The following SLC8A1 variants were observed in gnomAD, a reference collection of about 807,000 sequenced individuals.
SLC8A1 encodes the protein sodium/calcium exchanger 1.
SLC8A1 carries 18 observed loss-of-function variants against 68.3 expected under a neutral mutation model. The observed-to-expected ratio is 0.26, with a 90% CI of 0.18 to 0.39. The LOEUF (loss-of-function observed/expected upper bound fraction) is 0.39, where lower values mean the gene tolerates loss of function less well. SLC8A1 is among the 10% of genes least tolerant of loss of function. The pLI is 1.00. For missense variants in SLC8A1, 985 were observed against 1,156.7 expected (o/e 0.85, Z 2.15); for synonymous variants, 475 against 415.5 (o/e 1.14, Z -1.74).
chr2:40,363,125 T>A (rs1675079684), intron 2 of SLC8A1, among the ~76,000 whole-genome samples: 1 of 152,142 alleles, frequency 6.6e-6, no homozygotes, highest in African/African-American at 2.4e-5. Context: ...TCTAGAGGAA[T>A]GAAAAAGGTT....
chr2:40,125,085 G>C (rs2037781359), intron 7 of SLC8A1, among the ~76,000 whole-genome samples: 3 of 152,142 alleles, frequency 2.0e-5, no homozygotes, highest in Admixed American at 6.5e-5. Flanking sequence ...TTTATTGCTT[G>C]TGCTACTAAA....
intron 2 of SLC8A1, among the ~76,000 whole-genome samples, chr2:40,318,896 T>G (rs982760874): frequency 6.6e-6 from 1 of 152,114 alleles, no homozygotes; most frequent in Non-Finnish European, 1.5e-5. Flanking sequence ...AATACAATGT[T>G]TGAGGGTAAA....
intron 2 of SLC8A1, among the ~76,000 whole-genome samples, chr2:40,407,769 C>T (rs1252064993): frequency 6.6e-6 from 1 of 152,212 alleles, no homozygotes; most frequent in Non-Finnish European, 1.5e-5. Context: ...ATTTTAAATA[C>T]TTGACCTTCC....
chr2:40,136,224 G>T (rs2040473553), intron 7 of SLC8A1, among the ~76,000 whole-genome samples: 1 of 152,164 alleles, frequency 6.6e-6, no homozygotes. Context: ...TCTATTCACA[G>T]GCACGGGTCT....
At chr2:40,464,327 A>G (rs1263346216) in intron 1 of SLC8A1, among the ~76,000 whole-genome samples, 1 of 152,192 alleles carries the variant, frequency 6.6e-6, no homozygotes, top group African/African-American at 2.4e-5. Context: ...CATAGAGACA[A>G]CGCATTTCAT....
exon 8 of SLC8A1, chr2:40,105,940 T>C (rs2034168889): frequency 6.6e-6 from 1 of 152,192 alleles, no homozygotes; most frequent in Non-Finnish European, 1.5e-5. Flanking sequence ...TAGCTGCTTA[T>C]TTGATTGTGG....
intron 2 of SLC8A1, among the ~76,000 whole-genome samples, chr2:40,250,137 T>A (rs2062509546): frequency 6.6e-6 from 1 of 152,112 alleles, no homozygotes; most frequent in Non-Finnish European, 1.5e-5. Flanking sequence ...AAATAAAACG[T>A]GTTAGCAGAA....
chr2:40,131,497 T>G (rs4952469), intron 7 of SLC8A1, among the ~76,000 whole-genome samples: 83,018 of 152,008 alleles, frequency 0.55, 23,530 homozygotes, highest in Middle Eastern at 0.71. Flanking sequence ...GGGGAACATG[T>G]TTGTGATGAG....
rs547868367 is a variant in SLC8A1, at chr2:40,426,157, AAAG to A, written c.1808+2313_1808+2315del. 1.4e-4 allele frequency among the ~76,000 whole-genome samples: 22 copies of A among 152,136 alleles called. No homozygotes were observed. The South Asian group carries it at 4.6e-3, about 32-fold the overall frequency. On this transcript the variant is annotated intron_variant, in intron 2 of 7. Transcript: ENST00000406785. ...CTCTTCAAAATTAAAAATCTAGAAA[AAAG>A]AAAAATGTAGGGCTGTAATTTCATT...
intron 2 of SLC8A1, among the ~76,000 whole-genome samples, chr2:40,301,934 C>G (rs1184164520): frequency 6.6e-6 from 1 of 151,990 alleles, no homozygotes; most frequent in Non-Finnish European, 1.5e-5. Context: ...ACAATCGCAG[C>G]TCACTGCAAC....
At chr2:40,508,593 C>A (rs1706512330) in intron 1 of SLC8A1, among the ~76,000 whole-genome samples, 1 of 151,986 alleles carries the variant, frequency 6.6e-6, no homozygotes, top group African/African-American at 2.4e-5. Context: ...AAGCTAAGGA[C>A]TATGATAGAT....
At chr2:40,258,872 A>G (rs2064305276) in intron 2 of SLC8A1, among the ~76,000 whole-genome samples, 1 of 151,942 alleles carries the variant, frequency 6.6e-6, no homozygotes, top group African/African-American at 2.4e-5. Context: ...AAAAACAACA[A>G]AAAACCCAAT....
At chr2:40,230,377 A>G (rs1204415404) in intron 2 of SLC8A1, among the ~76,000 whole-genome samples, 1 of 152,154 alleles carries the variant, frequency 6.6e-6, no homozygotes, top group Non-Finnish European at 1.5e-5. Flanking sequence ...ACCTCATTCT[A>G]ATTCCATCAG....
intron 6 of SLC8A1, among the ~76,000 whole-genome samples, chr2:40,150,011 G>C (rs1262159331): frequency 6.7e-6 from 1 of 148,830 alleles, no homozygotes; most frequent in African/African-American, 2.5e-5. Flanking sequence ...CTGTGATCTT[G>C]GAGGAGACTC....
intron 2 of SLC8A1, among the ~76,000 whole-genome samples, chr2:40,358,269 A>G (rs936491350): frequency 7.1e-6 from 1 of 140,194 alleles, no homozygotes; most frequent in African/African-American, 3.2e-5. Flanking sequence ...ATCTGGGCAG[A>G]TTAAGACAAA....
intron 2 of SLC8A1, among the ~76,000 whole-genome samples, chr2:40,408,891 A>T (rs2373860): frequency 0.67 from 101,274 of 151,852 alleles, 36,325 homozygotes; most frequent in East Asian, 0.95. Context: ...TAGAAAAAAA[A>T]TATAGCCATA....
chr2:40,469,764 G>T, intron 1 of SLC8A1, among the ~76,000 whole-genome samples: 1 of 152,012 alleles, frequency 6.6e-6, no homozygotes, highest in Non-Finnish European at 1.5e-5. Context: ...TATGGATTTT[G>T]TTGTGTATAT....
intron 2 of SLC8A1, among the ~76,000 whole-genome samples, chr2:40,210,277 G>A (rs1196397193): frequency 6.6e-6 from 1 of 152,144 alleles, no homozygotes; most frequent in African/African-American, 2.4e-5. Flanking sequence ...GCAGATGAGT[G>A]CCTGAAACAA....
At chr2:40,425,084 A>C (rs1374475344) in intron 2 of SLC8A1, among the ~76,000 whole-genome samples, 1 of 151,884 alleles carries the variant, frequency 6.6e-6, no homozygotes, top group East Asian at 1.9e-4. Flanking sequence ...GTTGTAAGTC[A>C]AAATTAGTTG....
Sources: allele counts gnomAD v4.1 joint callset (sites outside exome capture counted in the v4.1 genomes callset), GRCh38; gene constraint gnomAD v4.1.1; transcripts MANE v1.5; gene names NCBI Gene and HGNC (gene_info 2026-07-23, HGNC 2026-07-21).